Variants in PHKB observed in about 807,000 individuals in gnomAD.
The protein encoded by PHKB is phosphorylase kinase regulatory subunit beta, also known as phosphorylase b kinase regulatory subunit beta.
In PHKB, 122 loss-of-function variants were observed where a neutral mutation model predicts 152.1. The observed-to-expected ratio is 0.80, with a 90% CI of 0.69 to 0.93. The LOEUF (loss-of-function observed/expected upper bound fraction) is 0.93, where lower values mean the gene tolerates loss of function less well. PHKB is among the 40% of genes least tolerant of loss of function. PHKB has a pLI of 0.00. For synonymous variants in PHKB, 436 were observed against 464.9 expected (o/e 0.94, Z 0.80); for missense variants, 1,304 against 1,328.4 (o/e 0.98, Z 0.29).
At chr16:47,537,346 G>A (rs896885459) in intron 6 of PHKB, among the ~76,000 whole-genome samples, 1 of 152,250 alleles carries the variant, frequency 6.6e-6, no homozygotes, top group South Asian at 2.1e-4. Flanking sequence ...GAAGAAAGCA[G>A]AAACAGGGAA....
chr16:47,632,125 C>T (rs1972838844), intron 14 of PHKB, among the ~76,000 whole-genome samples: 1 of 152,204 alleles, frequency 6.6e-6, no homozygotes, highest in East Asian at 1.9e-4. Flanking sequence ...CCTCCCCAAA[C>T]CCAAACCTAC....
chr16:47,581,305 C>T (rs112144125), intron 8 of PHKB, among the ~76,000 whole-genome samples: 66 of 152,280 alleles, frequency 4.3e-4, no homozygotes, highest in African/African-American at 1.5e-3. Flanking sequence ...TCCCAACTCC[C>T]TCTAGAGGAT....
Position 47,526,974 on chromosome 16 carries a change from A to G in PHKB, c.594+11373A>G, listed in dbSNP as rs896301001. ...GACAAAACAGGAGAAGGCAAGTCAC[A>G]TGGCCAGAGCAGGAGCAAGAGGGAG... On this transcript the variant is annotated intron_variant, in intron 6 of 30. Coordinates refer to ENST00000323584, the MANE Select transcript of PHKB (RefSeq NM_000293.3). Among the ~76,000 whole-genome samples, 6 of 152,316 alleles carry G rather than the reference A, an allele frequency of 3.9e-5. No individual in the cohort carries two copies. The East Asian group carries it at 1.2e-3, about 29-fold the overall frequency.
intron 7 of PHKB, among the ~76,000 whole-genome samples, chr16:47,572,762 G>A (rs2151688619): frequency 6.6e-6 from 1 of 152,298 alleles, no homozygotes; most frequent in South Asian, 2.1e-4. Context: ...TAGTAGTAAT[G>A]TACTGGGTAC....
intron 1 of PHKB, among the ~76,000 whole-genome samples, chr16:47,481,194 A>G (rs1314362893): frequency 6.6e-6 from 1 of 152,132 alleles, no homozygotes; most frequent in Non-Finnish European, 1.5e-5. Context: ...TTTTCGTGAA[A>G]TTAAGGTTAG....
intron 10 of PHKB, chr16:47,590,272 T>C (rs1297762456): frequency 6.6e-6 from 1 of 151,074 alleles, no homozygotes; most frequent in Non-Finnish European, 1.5e-5. Context: ...CTATTTATCA[T>C]TTTATTTAAC....
intron 6 of PHKB, among the ~76,000 whole-genome samples, chr16:47,525,976 A>C (rs1275716618): frequency 1.3e-5 from 2 of 152,142 alleles, no homozygotes; most frequent in Admixed American, 1.3e-4. Context: ...ACTTTGTAGG[A>C]TAGCTGGCCC....
At chr16:47,571,779 CT>C (rs1330201252) in intron 7 of PHKB, among the ~76,000 whole-genome samples, 13 of 152,170 alleles carry the variant, frequency 8.5e-5, no homozygotes, top group Non-Finnish European at 1.9e-4. Context: ...GAACCTTAGT[CT>C]TTCCCCACGG....
At chr16:47,605,536 G>C (rs762205798) in intron 13 of PHKB, among the ~76,000 whole-genome samples, 2 of 152,112 alleles carry the variant, frequency 1.3e-5, no homozygotes, top group Admixed American at 1.3e-4. Flanking sequence ...AAACTTGTTC[G>C]TTTTAGAAAT....
At chr16:47,513,411 A>G (rs1970543175) in intron 5 of PHKB, among the ~76,000 whole-genome samples, 1 of 152,194 alleles carries the variant, frequency 6.6e-6, no homozygotes, top group Non-Finnish European at 1.5e-5. Flanking sequence ...AAGAAGAGTC[A>G]CTAAAATGTT....
Position 47,582,414 on chromosome 16 carries a change from C to T in PHKB, c.774+2056C>T, listed in dbSNP as rs375321717. ...TTTCATAAATTGCTCAGCTATAATT[C>T]TAAAATCGCTAAATTACTTTACTCT... On this transcript the variant is annotated intron_variant, in intron 8 of 30. Coordinates refer to ENST00000323584, the MANE Select transcript of PHKB (RefSeq NM_000293.3). 1.4e-4 allele frequency among the ~76,000 whole-genome samples: 21 copies of T among 152,272 alleles called. No individual in the cohort carries two copies. The East Asian group carries it at 2.7e-3, about 20-fold the overall frequency.
intron 6 of PHKB, among the ~76,000 whole-genome samples, chr16:47,534,704 G>A (rs2151664110): frequency 6.6e-6 from 1 of 152,272 alleles, no homozygotes; most frequent in South Asian, 2.1e-4. Flanking sequence ...TTACAAAGTA[G>A]GAGCTACTAT....
At chr16:47,528,233 CT>C (rs1407549342) in intron 6 of PHKB, among the ~76,000 whole-genome samples, 1 of 152,100 alleles carries the variant, frequency 6.6e-6, no homozygotes, top group African/African-American at 2.4e-5. Flanking sequence ...AGGGTCAGAC[CT>C]TATTGTAATA....
rs181095346 is a variant in PHKB, at chr16:47,536,528, G to A, written c.595-10905G>A. On this transcript the variant is annotated intron_variant, in intron 6 of 30. Coordinates refer to ENST00000323584, the MANE Select transcript of PHKB (RefSeq NM_000293.3). ...AACATTTAGAACCAAATATGTTTTC[G>A]ATTTCAAAACTTGCTGGATTTAAAT... Among the ~76,000 whole-genome samples, 3 of 152,200 alleles carry A rather than the reference G, an allele frequency of 2.0e-5. No individual in the cohort carries two copies. The East Asian group carries it at 5.8e-4, about 29-fold the overall frequency.
At chr16:47,682,977 C>A (rs1973890940) in intron 26 of PHKB, among the ~76,000 whole-genome samples, 1 of 152,228 alleles carries the variant, frequency 6.6e-6, no homozygotes, top group Admixed American at 6.5e-5. Flanking sequence ...AGTTTTCCTT[C>A]TAACAGACAG....
intron 17 of PHKB, 38 bp from the exon 18 acceptor site, chr16:47,649,062 T>C (rs1353631279): frequency 1.8e-6 from 2 of 1,125,086 alleles, no homozygotes; most frequent in East Asian, 4.7e-5. Flanking sequence ...CTTTGGTATG[T>C]TCTTTAGTTA....
At chr16:47,661,682 T>C (rs1476451747) in intron 22 of PHKB, 37 bp from the exon 23 acceptor site, 2 of 1,423,018 alleles carry the variant, frequency 1.4e-6, no homozygotes, top group Non-Finnish European at 2.0e-6. Flanking sequence ...GCTGTACCCA[T>C]TTCATTCCAG....
At chr16:47,566,644 T>C (rs1224622429) in intron 7 of PHKB, 14 of 1,052,070 alleles carry the variant, frequency 1.3e-5, no homozygotes, top group Non-Finnish European at 2.1e-5. Context: ...CTCCAGTCGA[T>C]ATTGGGTTCC....
At chr16:47,649,470 A>T (rs1469105724) in intron 18 of PHKB, among the ~76,000 whole-genome samples, 4 of 152,112 alleles carry the variant, frequency 2.6e-5, no homozygotes, top group Non-Finnish European at 5.9e-5. Context: ...AAACAGGGGG[A>T]CCTATTTTGA....
Sources: gnomAD v4.1 joint callset for allele counts (sites outside exome capture counted in the v4.1 genomes callset) on GRCh38, gnomAD v4.1.1 for gene constraint, MANE v1.5 for transcripts, NCBI Gene and HGNC (gene_info 2026-07-23, HGNC 2026-07-21) for gene names.